ZNF423: variants seen among roughly 807,000 people sequenced by gnomAD.
ZNF423 encodes zinc finger protein 423, also known as Ebf-associated zinc finger protein.
ZNF423 carries 12 observed loss-of-function variants against 95.8 expected under a neutral mutation model. The observed-to-expected ratio is 0.13, with a 90% CI of 0.08 to 0.20. The LOEUF (loss-of-function observed/expected upper bound fraction) is 0.20. Ranked by LOEUF, ZNF423 falls within the 10% of genes least tolerant of loss-of-function variation. The pLI is 1.00. For missense variants in ZNF423, 1,316 were observed against 1,737.1 expected, an observed-to-expected ratio of 0.76 and a Z score of 4.31; for synonymous variants, 749 against 711.9, an observed-to-expected ratio of 1.05 and a Z score of -0.83.
chr16:49,785,509 A>G (rs1057443248), intron 2 of ZNF423, among the ~76,000 whole-genome samples: 2 of 152,266 alleles, frequency 1.3e-5, no homozygotes, highest in African/African-American at 4.8e-5. Context: ...ATCTCAATAA[A>G]GCTGTTTTTA....
At chr16:49,823,795 G>A (rs528830557) in intron 1 of ZNF423, among the ~76,000 whole-genome samples, 3 of 152,248 alleles carry the variant, frequency 2.0e-5, no homozygotes, top group African/African-American at 7.2e-5. Flanking sequence ...CATCTGTCAT[G>A]TATCTGGGAT....
intron 1 of ZNF423, among the ~76,000 whole-genome samples, chr16:49,852,330 C>A (rs1262314268): frequency 6.6e-6 from 1 of 152,044 alleles, no homozygotes; most frequent in Non-Finnish European, 1.5e-5. Context: ...AGAAAATTGA[C>A]AGTATTAAAA....
At chr16:49,566,188 C>G (rs1970183073) in intron 5 of ZNF423, among the ~76,000 whole-genome samples, 1 of 152,166 alleles carries the variant, frequency 6.6e-6, no homozygotes, top group Non-Finnish European at 1.5e-5. Flanking sequence ...GCTACAGAGG[C>G]CCCCAAACAG....
chr16:49,735,141 C>T (rs1222964075), intron 2 of ZNF423, among the ~76,000 whole-genome samples: 2 of 152,168 alleles, frequency 1.3e-5, no homozygotes, highest in African/African-American at 4.8e-5. Flanking sequence ...AACGGCTCTG[C>T]TGATCTCTCT....
intron 7 of ZNF423, among the ~76,000 whole-genome samples, chr16:49,514,469 A>C (rs1340494897): frequency 6.6e-6 from 1 of 152,112 alleles, no homozygotes; most frequent in Admixed American, 6.5e-5. Flanking sequence ...AATCAGGGCA[A>C]GGGCTGAATC....
intron 3 of ZNF423, among the ~76,000 whole-genome samples, chr16:49,675,887 G>T (rs1441429499): frequency 1.3e-5 from 2 of 152,188 alleles, no homozygotes; most frequent in African/African-American, 2.4e-5. Flanking sequence ...ACATGTGTGT[G>T]TTCTGAACAC....
At chr16:49,562,579 T>A (rs1401150916) in intron 5 of ZNF423, among the ~76,000 whole-genome samples, 1 of 152,200 alleles carries the variant, frequency 6.6e-6, no homozygotes, top group Non-Finnish European at 1.5e-5. Flanking sequence ...AAGTTGTCTA[T>A]GATTGATTGT....
chr16:49,497,829 G>A (rs1301176528), intron 7 of ZNF423, among the ~76,000 whole-genome samples: 1 of 152,252 alleles, frequency 6.6e-6, no homozygotes, highest in Non-Finnish European at 1.5e-5. Flanking sequence ...GTGCTCAGCA[G>A]GGGTGAAGTT....
intron 3 of ZNF423, among the ~76,000 whole-genome samples, chr16:49,698,378 G>A (rs148678996): frequency 7.0e-4 from 107 of 152,224 alleles, no homozygotes; most frequent in African/African-American, 2.4e-3. Flanking sequence ...GGAATTAATT[G>A]CCAAGAAAAC....
intron 5 of ZNF423, among the ~76,000 whole-genome samples, chr16:49,597,248 G>A (rs944983106): frequency 7.2e-5 from 11 of 152,128 alleles, no homozygotes; most frequent in Non-Finnish European, 1.6e-4. Flanking sequence ...CCTCCCAGTG[G>A]GAACCTGGGG....
chr16:49,511,821 C>T (rs1967909735), intron 7 of ZNF423, among the ~76,000 whole-genome samples: 1 of 152,196 alleles, frequency 6.6e-6, no homozygotes, highest in African/African-American at 2.4e-5. Context: ...AACACCCTTG[C>T]CCCACTTGAC....
In ZNF423 at chr16:49,855,010, C is replaced by G. The variant is rs775464415; in HGVS notation, c.40+725G>C. On this transcript the variant is annotated intron_variant, in intron 1 of 7. Transcript: ENST00000563137. The surrounding 1 kb of genome is among the most constrained non-coding windows in gnomAD (Gnocchi z 4.7). ...GCGCGCACCGCGGCCGCTGAGCTCC[C>G]CTGAGGACCTGCGTCCCGCCGGCGC... is the stretch of plus-strand genomic sequence containing the variant. 1.2e-3 allele frequency: 1,183 copies of G among 984,982 alleles called. No homozygotes were observed. Among genetic ancestry groups the G allele is most frequent in the Non-Finnish European group, 1.3e-3 (1,120 of 829,730 alleles). The allele number at this position is 984,982 out of a possible 1,614,324, so 61.0% of individuals were successfully genotyped here.
chr16:49,553,542 T>G (rs747317534), intron 5 of ZNF423, among the ~76,000 whole-genome samples: 1 of 152,098 alleles, frequency 6.6e-6, no homozygotes, highest in Non-Finnish European at 1.5e-5. Context: ...AGGTGAGGTC[T>G]TGCTAGGTTG....
intron 3 of ZNF423, among the ~76,000 whole-genome samples, chr16:49,698,107 T>C (rs947335353): frequency 1.3e-5 from 2 of 152,182 alleles, no homozygotes; most frequent in African/African-American, 4.8e-5. Flanking sequence ...TTTTCTTCCT[T>C]CCCTTCCAGA....
intron 3 of ZNF423, among the ~76,000 whole-genome samples, chr16:49,640,584 G>A (rs763812844): frequency 2.2e-5 from 3 of 134,688 alleles, no homozygotes; most frequent in Non-Finnish European, 3.2e-5. Flanking sequence ...CCTAGGCCCC[G>A]CCCCCACCCC....
intron 1 of ZNF423, among the ~76,000 whole-genome samples, chr16:49,840,053 G>T (rs1027863958): frequency 1.3e-5 from 2 of 152,198 alleles, no homozygotes; most frequent in South Asian, 4.1e-4. Context: ...TACATAGTAG[G>T]TTCTCAGTAA....
intron 5 of ZNF423, among the ~76,000 whole-genome samples, chr16:49,559,327 A>AACAG (rs1969942685): frequency 6.6e-6 from 1 of 152,198 alleles, no homozygotes; most frequent in South Asian, 2.1e-4. Context: ...TAAAAAGAAA[A>AACAG]ACAGAAAAGC....
At chr16:49,653,552 C>G (rs1973495502) in intron 3 of ZNF423, among the ~76,000 whole-genome samples, 1 of 152,160 alleles carries the variant, frequency 6.6e-6, no homozygotes, top group African/African-American at 2.4e-5. Flanking sequence ...AAGGTCTGGA[C>G]ATGCTCAGGA....
At chr16:49,783,238 G>A (rs1012494454) in intron 2 of ZNF423, among the ~76,000 whole-genome samples, 1 of 151,808 alleles carries the variant, frequency 6.6e-6, no homozygotes, top group Non-Finnish European at 1.5e-5. Context: ...GTTAGGGTTA[G>A]TACCAGGCTG....
Sources: allele counts gnomAD v4.1 joint callset (sites outside exome capture counted in the v4.1 genomes callset), GRCh38; gene constraint gnomAD v4.1.1; non-coding constraint Gnocchi (gnomAD v3.1); transcripts MANE v1.5; gene names NCBI Gene and HGNC (gene_info 2026-07-23, HGNC 2026-07-21).